ZDHHC21: variants seen among roughly 807,000 people sequenced by gnomAD.
ZDHHC21 encodes the protein palmitoyltransferase ZDHHC21.
In ZDHHC21, 15 loss-of-function variants were observed where a neutral mutation model predicts 34.6. The observed-to-expected ratio is 0.43, with a 90% CI of 0.29 to 0.67. The LOEUF (loss-of-function observed/expected upper bound fraction) is 0.67. Ranked by LOEUF, ZDHHC21 falls within the 30% of genes least tolerant of loss-of-function variation. ZDHHC21 has a pLI of 0.14. For missense variants in ZDHHC21, 344 were observed against 327.7 expected, an observed-to-expected ratio of 1.05 and a Z score of -0.38; for synonymous variants, 142 against 101.8, an observed-to-expected ratio of 1.40 and a Z score of -2.38.
chr9:14,692,670 A>G (rs1298776551), intron 1 of ZDHHC21, among the ~76,000 whole-genome samples: 1 of 152,140 alleles, frequency 6.6e-6, no homozygotes, highest in East Asian at 1.9e-4. Context: ...AACTGCTGCC[A>G]TCCATAAGCC....
chr9:14,610,618 A>AT (rs1281837328), downstream of ZDHHC21, among the ~76,000 whole-genome samples: 6 of 151,836 alleles, frequency 4.0e-5, no homozygotes, highest in East Asian at 3.9e-4. Flanking sequence ...AGAGCTGATG[A>AT]TTTTTTTTGG....
rs2133948515 is a variant in ZDHHC21 at position 14,662,324 on chromosome 9, T to C, written c.256A>G (p.Arg86Gly). 2 of 1,600,656 alleles carry C rather than the reference T, an allele frequency of 1.2e-6. No individual in the cohort carries two copies. Among genetic ancestry groups the C allele is most frequent in the East Asian group, 4.5e-5 (2 of 44,702 alleles). ...PENPKIPHGEREFWELCNKCN... is the reference protein window; with the variant it reads ...PENPKIPHGEGEFWELCNKCN... ...TTGTTACATAATTCCCAGAACTCCC[T>C]TTCTAAAGAAAAGAAATTAAAATCC... The change falls in exon 6 of 10, where the codon AGG (arginine) becomes GGG (glycine). Residue 86 changes from arginine (R) to glycine (G), a missense_variant and splice_region_variant. By Grantham distance (125) the Arg-to-Gly change is moderately radical. Coordinates refer to ENST00000380916, the MANE Select transcript of ZDHHC21 (RefSeq NM_178566.6).
At chr9:14,605,551 C>T in the ZDHHC21 span, among the ~76,000 whole-genome samples, 2 of 149,366 alleles carry the variant, frequency 1.3e-5, no homozygotes, top group Non-Finnish European at 3.0e-5. Flanking sequence ...TTTTTTTCTT[C>T]TATTAAGTTG....
At chr9:14,605,548 C>A in the ZDHHC21 span, among the ~76,000 whole-genome samples, 5 of 149,166 alleles carry the variant, frequency 3.4e-5, no homozygotes, top group Non-Finnish European at 7.5e-5. Context: ...GGATTTTTTT[C>A]TTCTATTAAG....
intron 2 of ZDHHC21, among the ~76,000 whole-genome samples, chr9:14,686,934 C>G (rs1303270991): frequency 6.8e-6 from 1 of 148,054 alleles, no homozygotes; most frequent in East Asian, 1.9e-4. Context: ...GACTGTACTA[C>G]AGCACTCCAG....
chr9:14,624,172 G>T (rs181660756), intron 8 of ZDHHC21, among the ~76,000 whole-genome samples: 108 of 151,770 alleles, frequency 7.1e-4, no homozygotes, highest in Middle Eastern at 6.8e-3. Flanking sequence ...ACGTTGTATC[G>T]GGTATTATAA....
At chr9:14,619,585 T>C in intron 9 of ZDHHC21, 54 bp downstream of exon 9, 1 of 1,267,068 alleles carries the variant, frequency 7.9e-7, no homozygotes, top group Non-Finnish European at 1.1e-6. Context: ...TTCTCAAGTA[T>C]GTCCAGTTCT....
At position 14,672,715 on chromosome 9, in the gene ZDHHC21, C is replaced by T. The variant is rs77566644; in HGVS notation, c.253+115G>A. On this transcript the variant is annotated intron_variant, in intron 5 of 9. Transcript: ENST00000380916. ...TGGAAAAGACACATACAAGCAAAGA[C>T]ATCAAAGTGGTGTTAGATGACATTT... is the stretch of plus-strand genomic sequence containing the variant. 4.1e-3 allele frequency: 2,734 copies of T among 668,156 alleles called. 61 individuals carry two copies. The African/African-American group carries it at 0.044, about 11-fold the overall frequency. The allele number at this position is 668,156 out of a possible 1,614,324, so 41.4% of individuals were successfully genotyped here.
the ZDHHC21 span, among the ~76,000 whole-genome samples, chr9:14,602,353 C>CA: frequency 6.6e-6 from 1 of 151,858 alleles, no homozygotes; most frequent in Admixed American, 6.6e-5. Context: ...CATAAAGTGA[C>CA]AAAGTATTCG....
the ZDHHC21 span, among the ~76,000 whole-genome samples, chr9:14,600,938 G>C: frequency 1.3e-5 from 2 of 152,128 alleles, no homozygotes; most frequent in Admixed American, 1.3e-4. Context: ...TGGGAAAACT[G>C]CATGGCCATA....
chr9:14,622,313 G>T (rs1489703059), intron 8 of ZDHHC21, among the ~76,000 whole-genome samples: 1 of 151,698 alleles, frequency 6.6e-6, no homozygotes, highest in East Asian at 1.9e-4. Context: ...CTTCTGATGG[G>T]TGATCTTACA....
the ZDHHC21 span, among the ~76,000 whole-genome samples, chr9:14,602,940 A>C: frequency 1.3e-4 from 20 of 150,172 alleles, no homozygotes; most frequent in South Asian, 4.2e-4. Context: ...AAAAAAAAAA[A>C]AAAAAAAAAA....
rs1483213056 is a variant in ZDHHC21 at position 14,616,017 on chromosome 9, A to AT, written c.*2948dup. The AT allele has an allele frequency of 6.6e-6, 1 of 151,730 alleles. No homozygotes were observed. Among genetic ancestry groups the AT allele is most frequent in the Non-Finnish European group, 1.5e-5 (1 of 67,734 alleles). 9.4% of individuals were successfully genotyped at this position (151,730 alleles called of 1,614,324 possible). A position where few individuals can be genotyped will look rare whatever the true frequency, so the allele number is the denominator to read the frequency against. The stretch of plus-strand genomic sequence containing the variant: ...AAAACTATAGATATAACTCTGCGAA[A>AT]TGTAAAAAAAAGAACAAAGAAAAGG... On this transcript the variant is annotated 3_prime_UTR_variant, in exon 10 of 10. Coordinates refer to ENST00000380916, the MANE Select transcript of ZDHHC21 (RefSeq NM_178566.6).
chr9:14,674,532 C>G (rs1836015521), intron 3 of ZDHHC21, 147 bp from the exon 4 acceptor site: 1 of 477,646 alleles, frequency 2.1e-6, no homozygotes. Flanking sequence ...ATTGATATTT[C>G]TTTGTATATA....
chr9:14,673,928 C>T (rs190220135), intron 4 of ZDHHC21, among the ~76,000 whole-genome samples: 2 of 152,140 alleles, frequency 1.3e-5, no homozygotes, highest in East Asian at 1.9e-4. Context: ...GTTATCACTA[C>T]TGTGTCAGTT....
chr9:14,603,764 C>T, the ZDHHC21 span, among the ~76,000 whole-genome samples: 1 of 152,116 alleles, frequency 6.6e-6, no homozygotes, highest in Non-Finnish European at 1.5e-5. Context: ...AATCGCTGCT[C>T]TTTATTAAGA....
intron 5 of ZDHHC21, 104 bp from the exon 6 acceptor site, chr9:14,662,430 C>T (rs1276567699): frequency 1.3e-6 from 1 of 789,226 alleles, no homozygotes; most frequent in East Asian, 2.7e-5. Context: ...CAACATAAAA[C>T]TCTAAGAGAT....
chr9:14,651,389 T>A (rs974364323), intron 7 of ZDHHC21, among the ~76,000 whole-genome samples: 3 of 151,878 alleles, frequency 2.0e-5, no homozygotes, highest in Non-Finnish European at 4.4e-5. Flanking sequence ...GGAGTTTGAA[T>A]AGGATTTAGT....
chr9:14,675,535 G>A (rs748458126), intron 3 of ZDHHC21, among the ~76,000 whole-genome samples: 2 of 151,800 alleles, frequency 1.3e-5, no homozygotes, highest in Non-Finnish European at 2.9e-5. Context: ...AGGAAGCACT[G>A]ACCCATGAGC....
Sources: allele counts gnomAD v4.1 joint callset (sites outside exome capture counted in the v4.1 genomes callset), GRCh38; gene constraint gnomAD v4.1.1; transcripts MANE v1.5; gene names NCBI Gene and HGNC (gene_info 2026-07-23, HGNC 2026-07-21).